The following RBFOX1 variants were observed in gnomAD, a reference collection of about 807,000 sequenced individuals.
RBFOX1 encodes the protein RNA binding fox-1 homolog 1.
In RBFOX1, 8 loss-of-function variants were observed where a neutral mutation model predicts 57.7. The ratio of observed to expected loss-of-function variants is 0.14; its 90% confidence interval spans 0.08 to 0.25. The LOEUF is 0.25. Ranked by LOEUF, RBFOX1 falls within the 10% of genes least tolerant of loss-of-function variation. The probability of loss-of-function intolerance (pLI) is 1.00; values close to 1 mark genes in which losing one functional copy is unlikely to be tolerated. For missense variants in RBFOX1, 611 were observed against 548.5 expected (o/e 1.11, Z -1.14); for synonymous variants, 326 against 222.4 (o/e 1.47, Z -4.15).
At chr16:5,460,559 G>T (rs1230224993) in intron 1 of RBFOX1, among the ~76,000 whole-genome samples, 2 of 152,200 alleles carry the variant, frequency 1.3e-5, no homozygotes, top group East Asian at 3.9e-4. Flanking sequence ...GGCAGCTGAT[G>T]GTTGTAAAGG....
At chr16:5,735,306 A>T (rs17138489) in intron 3 of RBFOX1, among the ~76,000 whole-genome samples, 3 of 152,060 alleles carry the variant, frequency 2.0e-5, no homozygotes, top group Non-Finnish European at 4.4e-5. Flanking sequence ...AAACCCAGAC[A>T]GTGTTAGTTC....
intron 3 of RBFOX1, among the ~76,000 whole-genome samples, chr16:6,846,331 A>G (rs973354698): frequency 1.3e-5 from 2 of 152,174 alleles, no homozygotes; most frequent in African/African-American, 4.8e-5. Flanking sequence ...CTCAACATGG[A>G]CACATCAAGA....
chr16:5,884,135 G>C (rs1421967394), intron 4 of RBFOX1, among the ~76,000 whole-genome samples: 1 of 152,164 alleles, frequency 6.6e-6, no homozygotes. Flanking sequence ...ATTAATTACA[G>C]CATGGGTCAC....
intron 4 of RBFOX1, among the ~76,000 whole-genome samples, chr16:7,356,283 G>T (rs866119885): frequency 5.9e-5 from 9 of 152,262 alleles, no homozygotes; most frequent in Middle Eastern, 6.8e-3. Flanking sequence ...GCCCACACAG[G>T]CATCATCGTT....
chr16:5,258,231 T>G (rs2062639108), intron 1 of RBFOX1, among the ~76,000 whole-genome samples: 3 of 152,264 alleles, frequency 2.0e-5, no homozygotes, highest in African/African-American at 7.2e-5. Flanking sequence ...TACATAAAAG[T>G]AGAGCGACTA....
At chr16:6,762,051 A>T (rs989443102) in intron 3 of RBFOX1, among the ~76,000 whole-genome samples, 1 of 151,386 alleles carries the variant, frequency 6.6e-6, no homozygotes, top group African/African-American at 2.4e-5. Flanking sequence ...TGTTAAAAGG[A>T]TTTCTCTGGA....
intron 4 of RBFOX1, among the ~76,000 whole-genome samples, chr16:7,334,875 C>T (rs1349748369): frequency 6.6e-6 from 1 of 152,166 alleles, no homozygotes; most frequent in Non-Finnish European, 1.5e-5. Flanking sequence ...CCTGATCATA[C>T]TGTGTTTTTC....
At chr16:6,163,962 G>T (rs1384561229) in intron 1 of RBFOX1, among the ~76,000 whole-genome samples, 1 of 152,178 alleles carries the variant, frequency 6.6e-6, no homozygotes, top group African/African-American at 2.4e-5. Context: ...CATATAGTAA[G>T]GTGGTTATAA....
intron 2 of RBFOX1, among the ~76,000 whole-genome samples, chr16:6,511,938 A>C (rs983360499): frequency 6.6e-6 from 1 of 152,054 alleles, no homozygotes; most frequent in Admixed American, 6.6e-5. Flanking sequence ...TCAGTATTTC[A>C]TAACAGCCAG....
intron 3 of RBFOX1, among the ~76,000 whole-genome samples, chr16:6,999,943 A>C (rs567442352): frequency 2.0e-4 from 31 of 152,062 alleles, no homozygotes; most frequent in Admixed American, 1.3e-3. Context: ...GTGGTGGCAC[A>C]CACTTGTAAT....
In RBFOX1 at chr16:6,033,719, A is replaced by G. The variant is rs528251648; in HGVS notation, c.-127+13727A>G. Among the ~76,000 whole-genome samples, 4 of 152,174 alleles carry G rather than the reference A, an allele frequency of 2.6e-5. No individual in the cohort carries two copies. In the South Asian group the frequency reaches 6.2e-4, roughly 24 times the overall value. ...TTTGATGGATATTTATGTTGTTTCC[A>G]TTTTTGAAGCGCTACATGGAATATC... On this transcript the variant is annotated intron_variant, in intron 1 of 15. Transcript: ENST00000550418.
At chr16:7,074,996 G>C (rs1353269795) in intron 4 of RBFOX1, among the ~76,000 whole-genome samples, 3 of 152,102 alleles carry the variant, frequency 2.0e-5, no homozygotes, top group African/African-American at 4.8e-5. Flanking sequence ...GGAAGTCAAA[G>C]GGTGAGAATT....
At chr16:7,147,729 T>G (rs570968005) in intron 4 of RBFOX1, among the ~76,000 whole-genome samples, 1 of 152,188 alleles carries the variant, frequency 6.6e-6, no homozygotes, top group Non-Finnish European at 1.5e-5. Context: ...TTGATGGGTA[T>G]CTAGGTTAAT....
In RBFOX1 at chr16:7,029,593, C is replaced by A. The variant is rs189546215; in HGVS notation, c.-15-22464C>A. ...CAGGAGAGTAACTTGGACATGAGAT[C>A]ATTAAGTATCATTGACAATTTGTGG... On this transcript the variant is annotated intron_variant, in intron 3 of 15. Coordinates refer to ENST00000550418, the MANE Select transcript of RBFOX1 (RefSeq NM_018723.4). Among the ~76,000 whole-genome samples the A allele has an allele frequency of 1.2e-3, 176 of 152,122 alleles. 1 individual carries two copies. In the Middle Eastern group the frequency reaches 0.014, roughly 12 times the overall value.
intron 2 of RBFOX1, among the ~76,000 whole-genome samples, chr16:6,400,330 A>T (rs951309996): frequency 6.6e-6 from 1 of 152,214 alleles, no homozygotes. Flanking sequence ...TTGGAAATTA[A>T]ATAGAATACT....
Position 5,632,927 on chromosome 16 carries a change from A to G in RBFOX1, c.318+33966A>G, listed in dbSNP as rs764661683. Reference sequence around the variant, plus strand: ...AGGTCACCTGATTCCTGGGCTTGCAATCTTAACAACTCCTTTTTTTTTTTT... The same window carrying G: ...AGGTCACCTGATTCCTGGGCTTGCAGTCTTAACAACTCCTTTTTTTTTTTT... On this transcript the variant is annotated intron_variant, in intron 3 of 19. Transcript: ENST00000641259. 4.2e-5 allele frequency among the ~76,000 whole-genome samples: 6 copies of G among 142,226 alleles called. No homozygotes were observed. In the South Asian group the frequency reaches 1.3e-3, roughly 32 times the overall value. The allele number at this position is 142,226 out of a possible 152,430, so 93.3% of individuals were successfully genotyped here.
intron 4 of RBFOX1, among the ~76,000 whole-genome samples, chr16:7,410,267 G>A (rs7204494): frequency 0.83 from 126,833 of 152,132 alleles, 53,045 homozygotes; most frequent in African/African-American, 0.88. Context: ...GACCAACACA[G>A]CCACTGTCTA....
intron 3 of RBFOX1, among the ~76,000 whole-genome samples, chr16:5,614,624 C>A (rs1410702541): frequency 1.3e-5 from 2 of 152,170 alleles, no homozygotes; most frequent in Admixed American, 1.3e-4. Flanking sequence ...TCTCCCTGTT[C>A]ATTTGCTCCA....
rs554913970 is a variant in RBFOX1 at position 7,254,009 on chromosome 16, G to C, written c.27+201911G>C. Among the ~76,000 whole-genome samples, 145 of 152,232 alleles carry C rather than the reference G, an allele frequency of 9.5e-4. 1 individual carries two copies. Among genetic ancestry groups the C allele is most frequent in the Non-Finnish European group, 7.4e-4 (50 of 68,014 alleles). On this transcript the variant is annotated intron_variant, in intron 4 of 15. Transcript: ENST00000550418. ...TTGAAAATACGTTATGGTGTTAGCA[G>C]GGATGGAAAGTGTAAATCCTCCTAA...
Sources: gnomAD v4.1 joint callset for allele counts (sites outside exome capture counted in the v4.1 genomes callset) on GRCh38, gnomAD v4.1.1 for gene constraint, MANE v1.5 for transcripts, NCBI Gene and HGNC (gene_info 2026-07-23, HGNC 2026-07-21) for gene names.